The following PKIG variants were observed in gnomAD, a reference collection of about 807,000 sequenced individuals.
PKIG encodes the protein cAMP-dependent protein kinase inhibitor gamma.
In PKIG, 1 loss-of-function variant was observed where a neutral mutation model predicts 6.8. The observed-to-expected ratio is 0.15, with a 90% CI of 0.05 to 0.69. PKIG has a LOEUF of 0.69. Among genes scored for constraint, PKIG ranks in the 30% least tolerant of loss-of-function variants. The pLI, the probability that PKIG is intolerant of heterozygous loss-of-function variation, is 0.82. For synonymous variants in PKIG, 39 were observed against 43.0 expected, an observed-to-expected ratio of 0.91 and a Z score of 0.36; for missense variants, 77 against 104.0, an observed-to-expected ratio of 0.74 and a Z score of 1.13.
chr20:44,590,900 T>C (rs2065028148), intron 2 of PKIG, among the ~76,000 whole-genome samples: 1 of 152,220 alleles, frequency 6.6e-6, no homozygotes, highest in South Asian at 2.1e-4. Flanking sequence ...AGGGGGCACA[T>C]TGCAGCTGTG....
chr20:44,541,834 G>A (rs2064564671), intron 1 of PKIG, among the ~76,000 whole-genome samples: 1 of 151,804 alleles, frequency 6.6e-6, no homozygotes, highest in African/African-American at 2.4e-5. Flanking sequence ...GACTACAGAG[G>A]TGTGCCACCA....
At chr20:44,571,382 G>A (rs1175093674) in intron 1 of PKIG, among the ~76,000 whole-genome samples, 12 of 151,940 alleles carry the variant, frequency 7.9e-5, no homozygotes, top group Non-Finnish European at 1.5e-4. Flanking sequence ...ATTGTCTTAG[G>A]GACCTTCTAA....
In PKIG at chr20:44,614,255, G is replaced by A. The variant is rs2065243924; in HGVS notation, c.-23-279G>A. 1 of 261,416 alleles carries A rather than the reference G, an allele frequency of 3.8e-6. No individual in the cohort carries two copies. Among genetic ancestry groups the A allele is most frequent in the African/African-American group, 2.3e-5 (1 of 44,306 alleles). 16.2% of individuals were successfully genotyped at this position (261,416 alleles called of 1,614,324 possible). On this transcript the variant is annotated intron_variant, in intron 2 of 3. Transcript: ENST00000372886. The surrounding 1 kb of genome is among the most constrained non-coding windows in gnomAD (Gnocchi z 4.6). ...ATGGTGGTATCTGTGCCAGTGCCTG[G>A]CGCATGGTATTAATAAATGTGTGTA...
intron 1 of PKIG, among the ~76,000 whole-genome samples, chr20:44,586,525 G>T (rs1283768185): frequency 6.6e-6 from 1 of 152,182 alleles, no homozygotes; most frequent in African/African-American, 2.4e-5. Flanking sequence ...AGCAGAAGTG[G>T]GTGCTATTCT....
At chr20:44,612,713 C>T (rs746778239) in intron 2 of PKIG, among the ~76,000 whole-genome samples, 1 of 152,088 alleles carries the variant, frequency 6.6e-6, no homozygotes, top group Non-Finnish European at 1.5e-5. Context: ...TCATGAATAC[C>T]ACTGTGCTAT....
intron 1 of PKIG, among the ~76,000 whole-genome samples, chr20:44,550,869 T>C (rs1489912410): frequency 6.6e-6 from 1 of 152,098 alleles, no homozygotes; most frequent in Non-Finnish European, 1.5e-5. Context: ...CTTTTTATTA[T>C]GAAAAATTTC....
At chr20:44,607,239 A>C (rs1258324997) in intron 2 of PKIG, among the ~76,000 whole-genome samples, 1 of 151,860 alleles carries the variant, frequency 6.6e-6, no homozygotes, top group Non-Finnish European at 1.5e-5. Context: ...TTTAGTTATT[A>C]CTTTGGGTTT....
At position 44,613,322 on chromosome 20, in the gene PKIG, C is replaced by T. The variant is rs766961650; in HGVS notation, c.-23-1212C>T. The stretch of plus-strand genomic sequence containing the variant: ...CTGGAACTACAGGCGCCCGCCACCA[C>T]GCCCGGCTAATTTTTTTGTATTTTT... On this transcript the variant is annotated intron_variant, in intron 2 of 3. Coordinates refer to ENST00000372886, the MANE Select transcript of PKIG (RefSeq NM_001281445.2). 6.6e-4 allele frequency among the ~76,000 whole-genome samples: 100 copies of T among 152,212 alleles called. 2 individuals carry two copies. The highest frequency in any genetic ancestry group is 4.9e-4 in the Non-Finnish European group (33 of 68,022).
chr20:44,577,738 G>A (rs73909544), upstream of PKIG, among the ~76,000 whole-genome samples: 863 of 152,312 alleles, frequency 5.7e-3, 8 homozygotes, highest in African/African-American at 0.019. Flanking sequence ...GGTGATGAGC[G>A]ATTGCACTGT....
chr20:44,610,226 CAG>C (rs2065202372), intron 2 of PKIG, among the ~76,000 whole-genome samples: 2 of 152,166 alleles, frequency 1.3e-5, no homozygotes, highest in African/African-American at 4.8e-5. Context: ...CTATTTTACA[CAG>C]GGGAAATGAA....
chr20:44,588,344 T>C (rs562151908), intron 1 of PKIG, among the ~76,000 whole-genome samples: 40 of 152,204 alleles, frequency 2.6e-4, no homozygotes, highest in African/African-American at 9.1e-4. Flanking sequence ...AAAGGTGGTA[T>C]TCAAACTGAG....
intron 1 of PKIG, among the ~76,000 whole-genome samples, chr20:44,544,190 A>G (rs1035816767): frequency 6.6e-6 from 1 of 152,068 alleles, no homozygotes; most frequent in African/African-American, 2.4e-5. Context: ...AATTTTTGTT[A>G]GTAGGGCAAT....
chr20:44,599,170 G>A (rs1310465402), intron 2 of PKIG, among the ~76,000 whole-genome samples: 1 of 152,134 alleles, frequency 6.6e-6, no homozygotes, highest in Non-Finnish European at 1.5e-5. Flanking sequence ...TTATGAAGCT[G>A]GGGGCAGGGG....
chr20:44,615,362 A>G (rs1200263706), intron 3 of PKIG, among the ~76,000 whole-genome samples: 1 of 151,774 alleles, frequency 6.6e-6, no homozygotes, highest in Non-Finnish European at 1.5e-5. Context: ...GACCCTCATC[A>G]CTCTCTGACA....
At chr20:44,569,736 AGCT>A (rs1296914722) in intron 1 of PKIG, among the ~76,000 whole-genome samples, 4 of 152,150 alleles carry the variant, frequency 2.6e-5, no homozygotes, top group African/African-American at 9.7e-5. Flanking sequence ...CCTCCCAAGT[AGCT>A]GGGATTACAG....
In PKIG at chr20:44,614,526, C is replaced by G; in HGVS notation, c.-23-8C>G. 2 of 1,609,366 alleles carry G rather than the reference C, an allele frequency of 1.2e-6. No homozygotes were observed. Among genetic ancestry groups the G allele is most frequent in the Non-Finnish European group, 1.7e-6 (2 of 1,176,630 alleles). On this transcript the variant is annotated splice_polypyrimidine_tract_variant and splice_region_variant and intron_variant, in intron 2 of 3. Coordinates refer to ENST00000372886, the MANE Select transcript of PKIG (RefSeq NM_001281445.2). The surrounding 1 kb of genome is among the most constrained non-coding windows in gnomAD (Gnocchi z 4.6). Reference sequence around the variant, plus strand: ...TTACCTCTGCCCCCTTGCCTTCTGTCCCCACAGGCCTGAGGAGCGATGCGA... The same window carrying G: ...TTACCTCTGCCCCCTTGCCTTCTGTGCCCACAGGCCTGAGGAGCGATGCGA...
chr20:44,605,171 C>T (rs2065152945), intron 2 of PKIG, among the ~76,000 whole-genome samples: 1 of 151,108 alleles, frequency 6.6e-6, no homozygotes, highest in South Asian at 2.1e-4. Flanking sequence ...TTTGGGAGGC[C>T]GAGACGGGCG....
At chr20:44,598,443 C>T (rs942521820) in intron 2 of PKIG, among the ~76,000 whole-genome samples, 2 of 152,182 alleles carry the variant, frequency 1.3e-5, no homozygotes, top group African/African-American at 4.8e-5. Context: ...CACAGAGATA[C>T]CCAGTTTCCC....
intron 1 of PKIG, among the ~76,000 whole-genome samples, chr20:44,577,509 G>T (rs1458852391): frequency 2.0e-5 from 3 of 152,060 alleles, no homozygotes; most frequent in African/African-American, 7.2e-5. Flanking sequence ...ACGATGTATT[G>T]TTCTCCTTTC....
Sources: gnomAD v4.1 joint callset for allele counts (sites outside exome capture counted in the v4.1 genomes callset) on GRCh38, gnomAD v4.1.1 for gene constraint, Gnocchi (gnomAD v3.1) non-coding constraint, MANE v1.5 for transcripts, NCBI Gene and HGNC (gene_info 2026-07-23, HGNC 2026-07-21) for gene names.